Variants in CFAP99 observed in about 807,000 individuals in gnomAD.
The protein encoded by CFAP99 is cilia and flagella associated protein 99.
CFAP99 carries 84 observed loss-of-function variants against 82.7 expected under a neutral mutation model. The ratio of observed to expected loss-of-function variants is 1.02; its 90% CI spans 0.85 to 1.22. CFAP99 has a LOEUF of 1.22. Ranked by LOEUF, CFAP99 falls within the 50% of genes most tolerant of loss-of-function variation. The pLI is 0.00. For missense variants in CFAP99, 1,059 were observed against 983.5 expected (o/e 1.08, Z -1.03); for synonymous variants, 456 against 429.5 (o/e 1.06, Z -0.76).
chr4:2,428,086 C>T (rs946139320), intron 2 of CFAP99: 3 of 152,558 alleles, frequency 2.0e-5, no homozygotes, highest in African/African-American at 7.2e-5. Context: ...GCAAACAGCT[C>T]GGGCCCAGGT....
In CFAP99 at chr4:2,459,099, C is replaced by T. The variant is rs1466809097; in HGVS notation, c.1304-8C>T. 50 of 1,503,956 alleles carry T rather than the reference C, an allele frequency of 3.3e-5. No homozygotes were observed. The highest frequency in any genetic ancestry group is 1.5e-4 in the Admixed American group (7 of 46,090). 93.2% of individuals were successfully genotyped at this position (1,503,956 alleles called of 1,614,324 possible). ...CCAGCCACCTCAGCTCCTGGCTTGG[C>T]CCCCAAGTTCAGGAGGCGATCGAGG... On this transcript the variant is annotated splice_polypyrimidine_tract_variant and splice_region_variant and intron_variant, in intron 12 of 14. Coordinates refer to ENST00000635017, the Ensembl canonical transcript of CFAP99.
chr4:2,446,906 T>A lies in CFAP99; in HGVS notation c.642+1598T>A, dbSNP rs1734178447. Among the ~76,000 whole-genome samples, 1 of 151,240 alleles carries A rather than the reference T, an allele frequency of 6.6e-6. No individual in the cohort carries two copies. The highest frequency in any genetic ancestry group is 1.5e-5 in the Non-Finnish European group (1 of 67,916). ...ATGAATGGGTGGATGAATGATCAAATGAATGGATGGGTATGTGGGTAAGTG... is the reference window on the plus strand; with the variant it reads ...ATGAATGGGTGGATGAATGATCAAAAGAATGGATGGGTATGTGGGTAAGTG... On this transcript the variant is annotated intron_variant, in intron 6 of 14. Transcript: ENST00000635017. This position sits in a 1 kb window ranked among gnomAD's most constrained non-coding sequence, Gnocchi z 5.0.
At chr4:2,426,330 GC>G (rs566382354) in intron 1 of CFAP99, 128 bp from the exon 2 acceptor site, 6 of 650,440 alleles carry the variant, frequency 9.2e-6, no homozygotes, top group South Asian at 8.7e-5. Flanking sequence ...CCTAGCCAGG[GC>G]CCCCAGTCAC....
At chr4:2,442,066 C>G (rs1734054709) in intron 4 of CFAP99, among the ~76,000 whole-genome samples, 1 of 152,318 alleles carries the variant, frequency 6.6e-6, no homozygotes, top group Middle Eastern at 3.4e-3. Context: ...GGCTGTCCCA[C>G]CACACCCCAG....
At chr4:2,455,707 C>T (rs892139540) in intron 11 of CFAP99, among the ~76,000 whole-genome samples, 10 of 152,032 alleles carry the variant, frequency 6.6e-5, no homozygotes, top group East Asian at 1.9e-4. Flanking sequence ...AAGAAAATGC[C>T]GCTCTCCTCA....
intron 8 of CFAP99, chr4:2,450,218 C>G (rs1209773079): frequency 6.1e-5 from 36 of 592,934 alleles, no homozygotes; most frequent in Non-Finnish European, 1.1e-4. Flanking sequence ...CACCCACATC[C>G]CCCAGGAGGA....
At position 2,448,452 on chromosome 4, in the gene CFAP99, A is replaced by G. The variant is rs1466249778; in HGVS notation, c.643-1218A>G. On this transcript the variant is annotated intron_variant, in intron 6 of 14. Transcript: ENST00000635017. This position sits in a 1 kb window ranked among gnomAD's most constrained non-coding sequence, Gnocchi z 5.2. ...CTCCCTGCCCTGCCCCATGCCTAAG[A>G]CATCCTTCTGCTTCAGGGTTGAGGG... 6.6e-6 allele frequency among the ~76,000 whole-genome samples: 1 copy of G among 152,194 alleles called. No individual in the cohort carries two copies. Among genetic ancestry groups the G allele is most frequent in the Non-Finnish European group, 1.5e-5 (1 of 68,030 alleles).
At chr4:2,442,253 AGAAG>A (rs1367082352) in intron 4 of CFAP99, among the ~76,000 whole-genome samples, 1 of 152,004 alleles carries the variant, frequency 6.6e-6, no homozygotes, top group Non-Finnish European at 1.5e-5. Flanking sequence ...GGGGGTGGCC[AGAAG>A]GAAGGTAAGT....
At chr4:2,461,225 G>A (rs1217930188) in intron 14 of CFAP99, among the ~76,000 whole-genome samples, 1 of 152,194 alleles carries the variant, frequency 6.6e-6, no homozygotes, top group East Asian at 1.9e-4. Flanking sequence ...GGGCAGGCAT[G>A]TCCCCTGGTC....
At chr4:2,435,500 C>G (rs1436640805) in intron 2 of CFAP99, among the ~76,000 whole-genome samples, 1 of 151,926 alleles carries the variant, frequency 6.6e-6, no homozygotes, top group African/African-American at 2.4e-5. Context: ...ATAAAAATGA[C>G]TAAGAAAAAT....
At chr4:2,429,806 T>C (rs1229148834) in intron 2 of CFAP99, among the ~76,000 whole-genome samples, 1 of 152,178 alleles carries the variant, frequency 6.6e-6, no homozygotes, top group Non-Finnish European at 1.5e-5. Context: ...TTAGCCAGAA[T>C]GGTCTTGATC....
At chr4:2,440,396 T>G (rs1276346411) in intron 4 of CFAP99, among the ~76,000 whole-genome samples, 5 of 150,994 alleles carry the variant, frequency 3.3e-5, no homozygotes, top group African/African-American at 1.2e-4. Context: ...TCCGCCCGCC[T>G]CGGCCTCCCA....
chr4:2,455,176 G>A (rs1223658427), intron 11 of CFAP99, among the ~76,000 whole-genome samples: 5 of 152,250 alleles, frequency 3.3e-5, no homozygotes, highest in South Asian at 2.1e-4. Context: ...CTGGGATTAC[G>A]GAAATGCGCC....
At chr4:2,450,922 G>T (rs1734284360) in intron 8 of CFAP99, 25 bp from the exon 9 acceptor site, 1 of 1,534,484 alleles carries the variant, frequency 6.5e-7, no homozygotes, top group African/African-American at 1.4e-5. Flanking sequence ...GTGCCAGGCG[G>T]CCAGCTCTGC....
intron 2 of CFAP99, among the ~76,000 whole-genome samples, chr4:2,433,214 G>A (rs554383881): frequency 2.6e-5 from 4 of 152,220 alleles, no homozygotes; most frequent in East Asian, 3.9e-4. Flanking sequence ...TCAAGGCTCC[G>A]ACCTTATGAA....
chr4:2,421,686 A>T (rs1733589113), intron 1 of CFAP99, among the ~76,000 whole-genome samples: 1 of 152,100 alleles, frequency 6.6e-6, no homozygotes, highest in Non-Finnish European at 1.5e-5. Flanking sequence ...TAAATATAAG[A>T]TAGTCAAGTC....
exon 3 of CFAP99, chr4:2,436,875 C>A: frequency 3.9e-6 from 6 of 1,535,936 alleles, no homozygotes; most frequent in Non-Finnish European, 5.2e-6. Context: ...CTCTTCCAGG[C>A]TCTGAGCCCC....
At chr4:2,443,348 C>T in intron 5 of CFAP99, 106 bp downstream of exon 5, 1 of 702,614 alleles carries the variant, frequency 1.4e-6, no homozygotes, top group South Asian at 1.6e-5. Flanking sequence ...CTCCCAGAAG[C>T]TCTATGAGTG....
chr4:2,454,594 GTT>G (rs1204498727), intron 11 of CFAP99, among the ~76,000 whole-genome samples: 9 of 84,530 alleles, frequency 1.1e-4, no homozygotes, highest in Admixed American at 2.7e-4. Context: ...TTTTTTTTTT[GTT>G]TTTTTTTTTT....
Sources: gnomAD v4.1 joint callset for allele counts (sites outside exome capture counted in the v4.1 genomes callset) on GRCh38, gnomAD v4.1.1 for gene constraint, Gnocchi (gnomAD v3.1) non-coding constraint, MANE v1.5 for transcripts, NCBI Gene and HGNC (gene_info 2026-07-23, HGNC 2026-07-21) for gene names.